RGS5: variants seen among roughly 807,000 people sequenced by gnomAD.
RGS5 encodes the protein regulator of G protein signaling 5.
In RGS5, 20 loss-of-function variants were observed where a neutral mutation model predicts 18.9. The ratio of observed to expected loss-of-function variants is 1.06; its 90% CI spans 0.74 to 1.54. RGS5 has a LOEUF of 1.54. Among genes scored for constraint, RGS5 ranks in the 40% most tolerant of loss-of-function variants. The pLI is 0.00. For synonymous variants in RGS5, 57 were observed against 76.2 expected, an observed-to-expected ratio of 0.75 and a Z score of 1.31; for missense variants, 201 against 211.8, an observed-to-expected ratio of 0.95 and a Z score of 0.32.
intron 1 of RGS5, among the ~76,000 whole-genome samples, chr1:163,312,942 T>C (rs966970151): frequency 1.2e-4 from 19 of 152,104 alleles, no homozygotes; most frequent in Admixed American, 2.6e-4. Flanking sequence ...GAGATTAGAA[T>C]CTTAGTTTAA....
upstream of RGS5, chr1:163,206,833 A>G (rs1188746734): frequency 6.6e-6 from 1 of 152,198 alleles, no homozygotes; most frequent in Non-Finnish European, 1.5e-5. Flanking sequence ...TAAAGCACCC[A>G]GTCTCAGGTA....
At chr1:163,277,716 C>G (rs1041318220) in intron 2 of RGS5, among the ~76,000 whole-genome samples, 3 of 152,034 alleles carry the variant, frequency 2.0e-5, no homozygotes, top group Non-Finnish European at 4.4e-5. Flanking sequence ...TGGTGCCATC[C>G]CTCTTTGAAT....
chr1:163,181,610 G>A (rs987696928), intron 1 of RGS5, among the ~76,000 whole-genome samples: 1 of 152,116 alleles, frequency 6.6e-6, no homozygotes, highest in African/African-American at 2.4e-5. Context: ...TGGATAGCAC[G>A]TTTTCACGGA....
At chr1:163,290,945 C>T (rs1649267062) in intron 2 of RGS5, among the ~76,000 whole-genome samples, 2 of 152,024 alleles carry the variant, frequency 1.3e-5, no homozygotes, top group Non-Finnish European at 2.9e-5. Context: ...TAAATGCCAA[C>T]TACAGGAGTT....
chr1:163,154,513 C>A (rs1204595802), intron 3 of RGS5, among the ~76,000 whole-genome samples: 1 of 151,640 alleles, frequency 6.6e-6, no homozygotes, highest in Non-Finnish European at 1.5e-5. Context: ...AAAAATATAT[C>A]TAGGAGCAAT....
At chr1:163,265,402 C>A (rs924118722) in intron 2 of RGS5, among the ~76,000 whole-genome samples, 2 of 152,148 alleles carry the variant, frequency 1.3e-5, no homozygotes, top group Non-Finnish European at 2.9e-5. Context: ...TATTTCCATA[C>A]TTCCTACATC....
chr1:163,243,089 C>A lies in RGS5; in HGVS notation c.-281+63144G>T, dbSNP rs567168552. 2.6e-5 allele frequency among the ~76,000 whole-genome samples: 4 copies of A among 152,290 alleles called. No homozygotes were observed. The South Asian group carries it at 8.3e-4, about 32-fold the overall frequency. On this transcript the variant is annotated intron_variant, in intron 2 of 5. Coordinates refer to the RGS5 transcript ENST00000618415. ...GGATAAAGAAAATGTGGTGCATATACACTATGGAATACTATGTAGCCATAA... is the reference window on the plus strand; with the variant it reads ...GGATAAAGAAAATGTGGTGCATATAAACTATGGAATACTATGTAGCCATAA...
chr1:163,156,564 C>T (rs1214547958), intron 3 of RGS5, among the ~76,000 whole-genome samples: 1 of 152,024 alleles, frequency 6.6e-6, no homozygotes, highest in Non-Finnish European at 1.5e-5. Flanking sequence ...GCTGTTAATT[C>T]TTTGAGTATG....
intron 2 of RGS5, among the ~76,000 whole-genome samples, chr1:163,247,582 T>TTATATATATATA (rs5778320): frequency 6.8e-6 from 1 of 147,596 alleles, no homozygotes; most frequent in Non-Finnish European, 1.5e-5. Flanking sequence ...AGAAGTTGAT[T>TTATATATATATA]TATATATATA....
chr1:163,203,170 G>A, upstream of RGS5: 1 of 194,114 alleles, frequency 5.2e-6, no homozygotes, highest in Non-Finnish European at 1.1e-5. Flanking sequence ...GTCATTGGTT[G>A]TTTGAACTCC....
At chr1:163,160,269 C>T (rs1399227512) in intron 3 of RGS5, among the ~76,000 whole-genome samples, 1 of 152,060 alleles carries the variant, frequency 6.6e-6, no homozygotes, top group Non-Finnish European at 1.5e-5. Context: ...TTGACAATAG[C>T]AATAAATACC....
At chr1:163,270,093 A>G (rs374252399) in intron 2 of RGS5, among the ~76,000 whole-genome samples, 3 of 152,122 alleles carry the variant, frequency 2.0e-5, no homozygotes, top group East Asian at 1.9e-4. Flanking sequence ...ACCTCCTTAC[A>G]TAAGTAGTAT....
intron 2 of RGS5, among the ~76,000 whole-genome samples, chr1:163,289,964 G>A (rs147710937): frequency 1.9e-3 from 294 of 152,270 alleles, no homozygotes; most frequent in African/African-American, 6.9e-3. Flanking sequence ...AGGGATACTT[G>A]GAAGCCAGGA....
At chr1:163,287,293 G>A (rs1426946302) in intron 2 of RGS5, among the ~76,000 whole-genome samples, 2 of 152,128 alleles carry the variant, frequency 1.3e-5, no homozygotes, top group African/African-American at 4.8e-5. Context: ...CCCCCTTTGA[G>A]CCTTACTCTC....
In RGS5 at chr1:163,143,316, T is replaced by C. The variant is rs574313129; in HGVS notation, c.*4026A>G. ...ATAAACCAAGATGCACCAAACTTCA[T>C]GTCCAAAACCTACATAGAATTGCCT... On this transcript the variant is annotated 3_prime_UTR_variant, in exon 5 of 5. Transcript: ENST00000313961. 2.6e-5 allele frequency: 4 copies of C among 152,290 alleles called. No homozygotes were observed. The highest frequency in any genetic ancestry group is 7.2e-5 in the African/African-American group (3 of 41,576). The allele number at this position is 152,290 out of a possible 1,614,324, so 9.4% of individuals were successfully genotyped here.
intron 2 of RGS5, among the ~76,000 whole-genome samples, chr1:163,274,746 G>A (rs1242856567): frequency 6.6e-6 from 1 of 152,198 alleles, no homozygotes; most frequent in Non-Finnish European, 1.5e-5. Context: ...TGGACATCAA[G>A]TTGTTGTGAG....
intron 1 of RGS5, among the ~76,000 whole-genome samples, chr1:163,209,869 A>G (rs1423344523): frequency 6.6e-6 from 1 of 152,158 alleles, no homozygotes. Flanking sequence ...CTATAGTACA[A>G]TATTGAGAAG....
intron 1 of RGS5, among the ~76,000 whole-genome samples, chr1:163,320,929 G>A (rs1195217030): frequency 1.3e-5 from 2 of 152,058 alleles, no homozygotes; most frequent in African/African-American, 2.4e-5. Context: ...TCCAACACAC[G>A]ACTGTCACCA....
chr1:163,194,580 C>CT (rs1659486252), intron 1 of RGS5, among the ~76,000 whole-genome samples: 1 of 152,048 alleles, frequency 6.6e-6, no homozygotes, highest in Admixed American at 6.6e-5. Context: ...GCTCAGGTGC[C>CT]TGTATTCCCT....
Sources: allele counts gnomAD v4.1 joint callset (sites outside exome capture counted in the v4.1 genomes callset), GRCh38; gene constraint gnomAD v4.1.1; transcripts MANE v1.5; gene names NCBI Gene and HGNC (gene_info 2026-07-23, HGNC 2026-07-21).